The following CFAP20DC variants were observed in gnomAD, a reference collection of about 807,000 sequenced individuals.
CFAP20DC encodes protein CFAP20DC.
CFAP20DC carries 84 observed loss-of-function variants against 101.7 expected under a neutral mutation model. The ratio of observed to expected loss-of-function variants is 0.83; its 90% CI spans 0.69 to 0.99. The LOEUF is 0.99. Among genes scored for constraint, CFAP20DC ranks in the 50% least tolerant of loss-of-function variants. CFAP20DC has a pLI of 0.00. For missense variants in CFAP20DC, 1,007 were observed against 970.3 expected (o/e 1.04, Z -0.50); for synonymous variants, 359 against 351.2 (o/e 1.02, Z -0.25).
intron 4 of CFAP20DC, among the ~76,000 whole-genome samples, chr3:58,942,728 C>T (rs898494944): frequency 4.6e-5 from 7 of 152,116 alleles, no homozygotes; most frequent in African/African-American, 1.7e-4. Flanking sequence ...AGACAGAACC[C>T]TTCACTCCCC....
At chr3:58,940,835 T>C (rs1165113043) in intron 4 of CFAP20DC, among the ~76,000 whole-genome samples, 2 of 152,190 alleles carry the variant, frequency 1.3e-5, no homozygotes, top group East Asian at 3.8e-4. Flanking sequence ...TTAACTTGGA[T>C]TGTGTTGAAT....
chr3:58,928,853 A>AC (rs1324668018), intron 5 of CFAP20DC, among the ~76,000 whole-genome samples: 7 of 152,194 alleles, frequency 4.6e-5, no homozygotes, highest in Non-Finnish European at 1.0e-4. Flanking sequence ...TAGGGTAGTC[A>AC]CTAATATGAT....
At chr3:58,756,726 G>C (rs1559546707) in intron 15 of CFAP20DC, among the ~76,000 whole-genome samples, 1 of 151,932 alleles carries the variant, frequency 6.6e-6, no homozygotes, top group Non-Finnish European at 1.5e-5. Context: ...ATTAGTTCTG[G>C]TGTTGCCTTT....
In CFAP20DC at chr3:58,971,604, C is replaced by T. The variant is rs1452582730; in HGVS notation, c.279-33842G>A. Reference sequence around the variant, plus strand: ...ACACAAAGATACACACATGGATATTCATGGTAACACTAATAGCAAAACAGA... The same window carrying T: ...ACACAAAGATACACACATGGATATTTATGGTAACACTAATAGCAAAACAGA... On this transcript the variant is annotated intron_variant, in intron 4 of 16. Coordinates refer to ENST00000482387, the MANE Select transcript of CFAP20DC (RefSeq NM_001394063.1). This position sits in a 1 kb window ranked among gnomAD's most constrained non-coding sequence, Gnocchi z 4.1. Among the ~76,000 whole-genome samples, 1 of 152,080 alleles carries T rather than the reference C, an allele frequency of 6.6e-6. No individual in the cohort carries two copies. The highest frequency in any genetic ancestry group is 1.5e-5 in the Non-Finnish European group (1 of 68,010).
chr3:58,806,887 G>A (rs1212654671), intron 14 of CFAP20DC, among the ~76,000 whole-genome samples: 1 of 152,154 alleles, frequency 6.6e-6, no homozygotes, highest in Non-Finnish European at 1.5e-5. Flanking sequence ...TTTCCAACGG[G>A]CTTAAAAAAC....
intron 15 of CFAP20DC, among the ~76,000 whole-genome samples, chr3:58,769,289 A>G (rs2070613842): frequency 6.6e-6 from 1 of 152,166 alleles, no homozygotes; most frequent in South Asian, 2.1e-4. Flanking sequence ...GTTTATGTCT[A>G]TCAGCCTCTC....
intron 4 of CFAP20DC, among the ~76,000 whole-genome samples, chr3:58,958,423 C>T (rs548692560): frequency 2.0e-5 from 3 of 152,222 alleles, no homozygotes; most frequent in African/African-American, 7.2e-5. Context: ...ATCTATTCAC[C>T]AAATGAGTTG....
chr3:58,967,288 C>T (rs938653667), intron 4 of CFAP20DC, among the ~76,000 whole-genome samples: 4 of 152,084 alleles, frequency 2.6e-5, no homozygotes, highest in African/African-American at 9.7e-5. Context: ...TTTTACAGTG[C>T]TACTGAAACA....
intron 15 of CFAP20DC, among the ~76,000 whole-genome samples, chr3:58,787,638 C>T (rs75881103): frequency 0.074 from 11,205 of 151,902 alleles, 692 homozygotes; most frequent in East Asian, 0.35. Flanking sequence ...ATCCCATTAC[C>T]GAGTATATAC....
intron 4 of CFAP20DC, among the ~76,000 whole-genome samples, chr3:58,976,644 A>G (rs553487941): frequency 1.2e-4 from 18 of 152,258 alleles, no homozygotes; most frequent in African/African-American, 4.1e-4. Flanking sequence ...TCATTCCCTC[A>G]TAGTGCTGAT....
chr3:58,722,920 A>G lies in CFAP20DC; in HGVS notation c.198-5292T>C, dbSNP rs1210563382. On this transcript the variant is annotated intron_variant, in intron 3 of 3. Transcript: ENST00000486145. This position sits in a 1 kb window ranked among gnomAD's most constrained non-coding sequence, Gnocchi z 4.5. ...CACCTTTCAAATCTTTACCTTGTCA[A>G]TTTTGGTAACATGCAGCTGCCACAT... Among the ~76,000 whole-genome samples, 1 of 152,192 alleles carries G rather than the reference A, an allele frequency of 6.6e-6. No homozygotes were observed.
chr3:59,047,597 G>C (rs1699964504), intron 1 of CFAP20DC, among the ~76,000 whole-genome samples: 2 of 152,068 alleles, frequency 1.3e-5, no homozygotes, highest in Non-Finnish European at 2.9e-5. Context: ...ACTGTGTTTT[G>C]CAACCACACT....
At chr3:58,843,298 C>A (rs1293060340) in intron 13 of CFAP20DC, among the ~76,000 whole-genome samples, 1 of 151,410 alleles carries the variant, frequency 6.6e-6, no homozygotes, top group Non-Finnish European at 1.5e-5. Context: ...CTAGAATAAC[C>A]AATACAGAGA....
At chr3:58,796,804 C>G (rs2073284965) in intron 15 of CFAP20DC, among the ~76,000 whole-genome samples, 1 of 152,172 alleles carries the variant, frequency 6.6e-6, no homozygotes, top group East Asian at 1.9e-4. Flanking sequence ...CATGGGCTCA[C>G]TTTGTGTCTC....
At chr3:58,970,213 C>A (rs1190626874) in intron 4 of CFAP20DC, 1 of 152,004 alleles carries the variant, frequency 6.6e-6, no homozygotes, top group African/African-American at 2.4e-5. Flanking sequence ...GTGTCCCCCA[C>A]AAAGATATGT....
At chr3:58,950,052 T>A (rs2089910844) in intron 4 of CFAP20DC, among the ~76,000 whole-genome samples, 1 of 152,206 alleles carries the variant, frequency 6.6e-6, no homozygotes, top group East Asian at 1.9e-4. Context: ...CTCCTTAAGC[T>A]GATAGGCAAC....
chr3:58,993,476 G>A (rs2093007361), intron 4 of CFAP20DC, among the ~76,000 whole-genome samples: 1 of 151,796 alleles, frequency 6.6e-6, no homozygotes, highest in African/African-American at 2.4e-5. Flanking sequence ...GTGTGTGTTT[G>A]TTACATAGGT....
At chr3:58,770,821 A>T (rs1481097771) in intron 15 of CFAP20DC, among the ~76,000 whole-genome samples, 1 of 152,188 alleles carries the variant, frequency 6.6e-6, no homozygotes. Context: ...ATTAGTGGAG[A>T]ATAAGATAGG....
At chr3:59,023,799 T>G (rs1488282142) in intron 4 of CFAP20DC, among the ~76,000 whole-genome samples, 4 of 152,164 alleles carry the variant, frequency 2.6e-5, no homozygotes, top group Admixed American at 2.6e-4. Context: ...TAAATGTGGT[T>G]GAAAACTGCA....
Sources: gnomAD v4.1 joint callset for allele counts (sites outside exome capture counted in the v4.1 genomes callset) on GRCh38, gnomAD v4.1.1 for gene constraint, Gnocchi (gnomAD v3.1) non-coding constraint, MANE v1.5 for transcripts, NCBI Gene and HGNC (gene_info 2026-07-23, HGNC 2026-07-21) for gene names.